The following HAVCR1 variants were observed in gnomAD, a reference collection of about 807,000 sequenced individuals.
HAVCR1 encodes the protein T cell immunoglobin domain and mucin domain protein 1.
Under a neutral mutation model 32.0 loss-of-function variants are expected in HAVCR1, and 34 were observed. That is an observed-to-expected ratio of 1.06 (90% CI 0.81 to 1.42). The LOEUF is 1.42. Among genes scored for constraint, HAVCR1 ranks in the 40% most tolerant of loss-of-function variants. HAVCR1 has a pLI of 0.00. For missense variants in HAVCR1, 420 were observed against 442.3 expected (o/e 0.95, Z 0.45); for synonymous variants, 178 against 170.3 (o/e 1.05, Z -0.35).
Position 157,057,926 on chromosome 5 carries a change from G to T in HAVCR1, c.18C>A (p.Val6=). 1 of 1,613,430 alleles carries T rather than the reference G, an allele frequency of 6.2e-7. No homozygotes were observed. The highest frequency in any genetic ancestry group is 1.1e-5 in the South Asian group (1 of 91,044). The change falls in exon 2 of 9, where the codon GTC becomes GTA. Residue 6 remains valine (V), a synonymous_variant. Coordinates refer to ENST00000523175, the MANE Select transcript of HAVCR1 (RefSeq NM_001173393.3). MHPQV[V]ILSLILHLAD... ...CCAGATGTAGGATGAGGCTTAAGAT[G>T]ACCACTTGAGGATGCATTATGGGAT...
intron 5 of HAVCR1, among the ~76,000 whole-genome samples, chr5:157,044,368 C>CGAAGGAAGGAAGGAAGGAAG (rs573183336): frequency 1.3e-4 from 4 of 31,340 alleles, no homozygotes; most frequent in Non-Finnish European, 1.8e-4. Context: ...AAAGAAAGGA[C>CGAAGGAAGGAAGGAAGGAAG]GAAGGAAGGA....
upstream of HAVCR1, among the ~76,000 whole-genome samples, chr5:157,059,871 C>T (rs1305137215): frequency 6.6e-6 from 1 of 152,098 alleles, no homozygotes; most frequent in Non-Finnish European, 1.5e-5. Context: ...TGACCGTAGT[C>T]CCAGCTACTC....
chr5:157,057,291 G>C (rs1227984979), intron 2 of HAVCR1, among the ~76,000 whole-genome samples: 3 of 151,040 alleles, frequency 2.0e-5, no homozygotes, highest in African/African-American at 7.3e-5. Flanking sequence ...ACTCTAGCCT[G>C]GGCGACAGAG....
chr5:157,042,996 T>C (rs1057148208), intron 5 of HAVCR1, among the ~76,000 whole-genome samples: 12 of 152,218 alleles, frequency 7.9e-5, no homozygotes, highest in Non-Finnish European at 1.5e-4. Context: ...AGCCCATTCA[T>C]GGAACCAGGT....
intron 5 of HAVCR1, among the ~76,000 whole-genome samples, chr5:157,043,137 CAGA>C (rs3215120): frequency 0.32 from 48,846 of 151,770 alleles, 8,842 homozygotes; most frequent in East Asian, 0.66. Flanking sequence ...GTTTTATATT[CAGA>C]AGGAGTAAAA....
the HAVCR1 span, among the ~76,000 whole-genome samples, chr5:157,064,759 T>C: frequency 9.2e-5 from 14 of 151,994 alleles, no homozygotes; most frequent in African/African-American, 3.4e-4. Flanking sequence ...TCTGAGCTAC[T>C]CAGGAGGCTG....
chr5:157,044,401 GA>G (rs1755107824), intron 5 of HAVCR1, among the ~76,000 whole-genome samples: 1 of 30,632 alleles, frequency 3.3e-5, no homozygotes, highest in African/African-American at 1.1e-4. Context: ...AGGAAGGAAG[GA>G]AGGAAGGAAG....
At chr5:157,030,682 GT>G (rs764424514) in intron 8 of HAVCR1, among the ~76,000 whole-genome samples, 31 of 152,206 alleles carry the variant, frequency 2.0e-4, no homozygotes, top group Non-Finnish European at 3.5e-4. Flanking sequence ...GGAAATACAA[GT>G]GAGGGAAGAA....
intron 5 of HAVCR1, among the ~76,000 whole-genome samples, chr5:157,042,903 T>C (rs1307054305): frequency 6.6e-6 from 1 of 152,184 alleles, no homozygotes; most frequent in Non-Finnish European, 1.5e-5. Flanking sequence ...TCTTTGAAAA[T>C]GGACTCTTGT....
chr5:157,034,410 C>G lies in HAVCR1; in HGVS notation c.953-1523G>C, dbSNP rs371595526. Among the ~76,000 whole-genome samples the G allele has an allele frequency of 3.9e-5, 6 of 152,062 alleles. No individual in the cohort carries two copies. The East Asian group carries it at 9.7e-4, about 24-fold the overall frequency. On this transcript the variant is annotated intron_variant, in intron 7 of 8. Coordinates refer to ENST00000523175, the MANE Select transcript of HAVCR1 (RefSeq NM_001173393.3). Reference sequence around the variant, plus strand: ...GCTGCCAGCATGTCCCACCTCCAGCCATAAGGCAGTTTTCTTCTATCTCAG... The same window carrying G: ...GCTGCCAGCATGTCCCACCTCCAGCGATAAGGCAGTTTTCTTCTATCTCAG...
At chr5:157,044,936 T>A (rs1224256773) in intron 5 of HAVCR1, among the ~76,000 whole-genome samples, 2 of 152,130 alleles carry the variant, frequency 1.3e-5, no homozygotes, top group Non-Finnish European at 2.9e-5. Context: ...TGTATGTATG[T>A]ATAGGTATAT....
chr5:157,056,267 T>G (rs1756135772), intron 2 of HAVCR1, among the ~76,000 whole-genome samples: 1 of 150,890 alleles, frequency 6.6e-6, no homozygotes, highest in African/African-American at 2.4e-5. Flanking sequence ...TTTTTCCCCT[T>G]TTTCCAAGTT....
At chr5:157,051,822 C>A (rs1755756636) in intron 4 of HAVCR1, among the ~76,000 whole-genome samples, 1 of 152,208 alleles carries the variant, frequency 6.6e-6, no homozygotes, top group Admixed American at 6.5e-5. Context: ...TGTCTCAGTT[C>A]TAACAATTAT....
intron 2 of HAVCR1, among the ~76,000 whole-genome samples, chr5:157,057,362 A>AAGAGAGAGAGAGAGAG (rs140801641): frequency 1.5e-5 from 2 of 130,006 alleles, no homozygotes; most frequent in African/African-American, 6.7e-5. Flanking sequence ...AGACCTCATG[A>AAGAGAGAGAGAGAGAG]AGAGAGAGAG....
At chr5:157,066,005 G>A in the HAVCR1 span, among the ~76,000 whole-genome samples, 2 of 143,982 alleles carry the variant, frequency 1.4e-5, no homozygotes, top group South Asian at 2.2e-4. Context: ...GCAGTGAGCC[G>A]AGATCGCACC....
rs201451883 is a variant in HAVCR1 at position 157,044,468 on chromosome 5, AAAGGAAGGAAGG to A, written c.782-1798_782-1787del. On this transcript the variant is annotated intron_variant, in intron 5 of 8. Coordinates refer to ENST00000523175, the MANE Select transcript of HAVCR1 (RefSeq NM_001173393.3). ...GAAAGAAAGAAAGAAAGAAAGAAAGAAAGGAAGGAAGGAAGGAAGGAAGGAAGGAAGGAAGGA... is the reference window on the plus strand; with the variant it reads ...GAAAGAAAGAAAGAAAGAAAGAAAGAAAGGAAGGAAGGAAGGAAGGAAGGA... 4.4e-3 allele frequency among the ~76,000 whole-genome samples: 274 copies of A among 62,904 alleles called. 5 individuals are homozygous for A. Among genetic ancestry groups the A allele is most frequent in the African/African-American group, 0.017 (227 of 13,634 alleles). 41.3% of individuals were successfully genotyped at this position (62,904 alleles called of 152,430 possible).
At chr5:157,062,445 A>G (rs1756509276), upstream of HAVCR1, among the ~76,000 whole-genome samples, 1 of 152,202 alleles carries the variant, frequency 6.6e-6, no homozygotes, top group Admixed American at 6.5e-5. Context: ...CTTCCCTGCT[A>G]TCTCAGCGCA....
At chr5:157,064,535 C>T in the HAVCR1 span, among the ~76,000 whole-genome samples, 2 of 152,052 alleles carry the variant, frequency 1.3e-5, no homozygotes, top group East Asian at 3.9e-4. Context: ...CGGCCTGAGC[C>T]ACGGGAAGAG....
At chr5:157,061,869 G>A (rs1756496914), upstream of HAVCR1, among the ~76,000 whole-genome samples, 1 of 152,154 alleles carries the variant, frequency 6.6e-6, no homozygotes, top group Non-Finnish European at 1.5e-5. Context: ...GAAATGATGA[G>A]CCAGAGAGAG....
Sources: allele counts gnomAD v4.1 joint callset (sites outside exome capture counted in the v4.1 genomes callset), GRCh38; gene constraint gnomAD v4.1.1; transcripts MANE v1.5; gene names NCBI Gene and HGNC (gene_info 2026-07-23, HGNC 2026-07-21).